RORA: variants seen among roughly 807,000 people sequenced by gnomAD.
RORA encodes the protein RAR related orphan receptor A.
RORA carries 7 observed loss-of-function variants against 69.5 expected under a neutral mutation model. The observed-to-expected ratio is 0.10, with a 90% CI of 0.06 to 0.19. RORA has a LOEUF of 0.19. Ranked by LOEUF, RORA falls within the 10% of genes least tolerant of loss-of-function variation. The pLI is 1.00. For synonymous variants in RORA, 261 were observed against 240.8 expected (o/e 1.08, Z -0.78); for missense variants, 457 against 663.0 (o/e 0.69, Z 3.41).
intron 1 of RORA, among the ~76,000 whole-genome samples, chr15:60,747,726 A>AT (rs1426537523): frequency 6.6e-6 from 1 of 152,182 alleles, no homozygotes; most frequent in Non-Finnish European, 1.5e-5. Context: ...AAGGAGCAGA[A>AT]TATGCAAACA....
At chr15:61,224,332 T>A (rs943486287) in intron 1 of RORA, among the ~76,000 whole-genome samples, 11 of 152,226 alleles carry the variant, frequency 7.2e-5, no homozygotes, top group Non-Finnish European at 1.5e-4. Flanking sequence ...CCTATAAATT[T>A]TTTTATTATT....
chr15:60,937,894 C>T (rs4775321), intron 1 of RORA, among the ~76,000 whole-genome samples: 23,608 of 152,222 alleles, frequency 0.16, 1,951 homozygotes, highest in Admixed American at 0.2. Flanking sequence ...CAGGTTAATA[C>T]AGAGCACAAT....
chr15:60,530,007 C>T (rs1038517646), intron 3 of RORA: 1 of 152,230 alleles, frequency 6.6e-6, no homozygotes, highest in Non-Finnish European at 1.5e-5. Flanking sequence ...TAAGAAGACA[C>T]CCAGGTGATA....
chr15:61,210,931 T>C (rs1329716398), intron 1 of RORA, among the ~76,000 whole-genome samples: 2 of 152,228 alleles, frequency 1.3e-5, no homozygotes, highest in African/African-American at 4.8e-5. Flanking sequence ...CAGCTGTCGC[T>C]GGAGCTCGAG....
rs139603741 is a variant in RORA, at chr15:60,831,698, C to A, written c.167-153012G>T. Among the ~76,000 whole-genome samples, 5 of 152,290 alleles carry A rather than the reference C, an allele frequency of 3.3e-5. No homozygotes were observed. The East Asian group carries it at 7.7e-4, about 24-fold the overall frequency. On this transcript the variant is annotated intron_variant, in intron 1 of 10. Transcript: ENST00000335670. ...ATCTTTCTCAAGTGCTTTTTCATCA[C>A]GTCATTTCACGACTCTTGAACTCAA...
intron 1 of RORA, among the ~76,000 whole-genome samples, chr15:60,896,704 T>G (rs1228739354): frequency 2.0e-5 from 3 of 151,702 alleles, no homozygotes; most frequent in Admixed American, 6.6e-5. Context: ...TTAAGCCTGT[T>G]TAATTAGCAA....
intron 1 of RORA, among the ~76,000 whole-genome samples, chr15:60,985,112 G>A (rs775692637): frequency 4.6e-5 from 7 of 152,162 alleles, no homozygotes; most frequent in Non-Finnish European, 7.4e-5. Flanking sequence ...AACATTCCAG[G>A]ATCAAGTTTC....
intron 1 of RORA, among the ~76,000 whole-genome samples, chr15:61,164,515 G>T (rs1374300803): frequency 6.6e-6 from 1 of 152,144 alleles, no homozygotes; most frequent in Admixed American, 6.5e-5. Flanking sequence ...AGGCTAGAAC[G>T]GTTTGCAATT....
At chr15:60,630,905 T>TTTTTTTTTTTG in intron 2 of RORA, among the ~76,000 whole-genome samples, 1 of 149,058 alleles carries the variant, frequency 6.7e-6, no homozygotes. Flanking sequence ...TTTTTTTTTT[T>TTTTTTTTTTTG]GAGACGGAGT....
intron 2 of RORA, among the ~76,000 whole-genome samples, chr15:60,655,553 T>C (rs2070208674): frequency 2.0e-5 from 3 of 152,158 alleles, no homozygotes; most frequent in Admixed American, 2.0e-4. Flanking sequence ...CCTTGAGGAA[T>C]GTTTGGTATA....
chr15:60,555,517 CCT>C (rs1354211091), intron 2 of RORA, among the ~76,000 whole-genome samples: 8 of 152,110 alleles, frequency 5.3e-5, no homozygotes, highest in African/African-American at 1.9e-4. Context: ...CAACGTCTAC[CCT>C]GTTTCATAAT....
At chr15:61,090,860 C>T (rs553281515) in intron 1 of RORA, among the ~76,000 whole-genome samples, 3 of 152,116 alleles carry the variant, frequency 2.0e-5, no homozygotes, top group African/African-American at 4.8e-5. Flanking sequence ...ACCCCCAAAA[C>T]GCCCCCCAAA....
At chr15:61,074,232 G>A (rs1221150769) in intron 1 of RORA, among the ~76,000 whole-genome samples, 1 of 152,192 alleles carries the variant, frequency 6.6e-6, no homozygotes, top group Non-Finnish European at 1.5e-5. Context: ...CTTAGCTGCA[G>A]TGCTGGATAT....
At chr15:61,092,793 C>T (rs1241153719) in intron 1 of RORA, among the ~76,000 whole-genome samples, 3 of 152,180 alleles carry the variant, frequency 2.0e-5, no homozygotes, top group African/African-American at 7.2e-5. Flanking sequence ...TGAGTCCTAA[C>T]CACAGTCAAA....
At chr15:60,716,797 C>A (rs554989319) in intron 1 of RORA, among the ~76,000 whole-genome samples, 27 of 152,154 alleles carry the variant, frequency 1.8e-4, no homozygotes, top group Non-Finnish European at 3.7e-4. Context: ...GGGCTGGGTT[C>A]AGAGCTGAAT....
intron 3 of RORA, among the ~76,000 whole-genome samples, chr15:60,515,679 T>A (rs534970777): frequency 6.6e-6 from 1 of 150,548 alleles, no homozygotes; most frequent in South Asian, 2.1e-4. Context: ...TAACTTTCAA[T>A]AGATTTCTTC....
chr15:60,910,895 GTTT>G (rs1219666026), intron 1 of RORA, among the ~76,000 whole-genome samples: 2 of 130,490 alleles, frequency 1.5e-5, no homozygotes, highest in Non-Finnish European at 3.2e-5. Context: ...TGTTGTTGTT[GTTT>G]TTTGGGTTTT....
intron 1 of RORA, among the ~76,000 whole-genome samples, chr15:60,899,801 T>C (rs141044721): frequency 2.0e-5 from 3 of 152,214 alleles, no homozygotes; most frequent in African/African-American, 7.2e-5. Flanking sequence ...TTCCAGGGAA[T>C]GTGTGTACAG....
rs1392126908 is a variant in RORA at position 60,932,999 on chromosome 15, G to C, written c.167-254313C>G. ...AAACTTACTCCTCTTCCTTACCCAGGAGTTTCCAGGTTGCCCCCCACAGTC... is the reference window on the plus strand; with the variant it reads ...AAACTTACTCCTCTTCCTTACCCAGCAGTTTCCAGGTTGCCCCCCACAGTC... On this transcript the variant is annotated intron_variant, in intron 1 of 10. Transcript: ENST00000335670. Among the ~76,000 whole-genome samples, 4 of 152,074 alleles carry C rather than the reference G, an allele frequency of 2.6e-5. No individual in the cohort carries two copies. The East Asian group carries it at 7.7e-4, about 29-fold the overall frequency.
Sources: gnomAD v4.1 joint callset for allele counts (sites outside exome capture counted in the v4.1 genomes callset) on GRCh38, gnomAD v4.1.1 for gene constraint, MANE v1.5 for transcripts, NCBI Gene and HGNC (gene_info 2026-07-23, HGNC 2026-07-21) for gene names.